AP3B1: variants seen among roughly 807,000 people sequenced by gnomAD.
AP3B1 encodes AP-3 complex subunit beta-1.
AP3B1 carries 61 observed loss-of-function variants against 132.5 expected under a neutral mutation model. The ratio of observed to expected loss-of-function variants is 0.46; its 90% CI spans 0.37 to 0.57. The LOEUF is 0.57. Ranked by LOEUF, AP3B1 falls within the 20% of genes least tolerant of loss-of-function variation. The pLI is 0.00. For synonymous variants in AP3B1, 388 were observed against 438.3 expected (o/e 0.89, Z 1.43); for missense variants, 1,120 against 1,289.4 (o/e 0.87, Z 2.01).
rs112155590 is a variant in AP3B1 at position 78,173,521 on chromosome 5, G to A, written c.1167+2105C>T. Among the ~76,000 whole-genome samples the A allele has an allele frequency of 4.2e-3, 629 of 151,204 alleles. 3 individuals carry two copies. The highest frequency in any genetic ancestry group is 0.021 in the Middle Eastern group (6 of 290). On this transcript the variant is annotated intron_variant, in intron 11 of 26. Transcript: ENST00000255194. ...CTTTACCATTATGTAATGGCCTTCT[G>A]ATCTTTGTTGGTTTGAAGTCTATTT...
In AP3B1 at chr5:78,154,443, C is replaced by A. The variant is rs1210291179; in HGVS notation, c.1473+1815G>T. ...CGAGGTAGGCTTCTTTGGGTTAAAT[C>A]TGCTTGAAGTTCTATAACCTTCTTG... is the stretch of plus-strand genomic sequence containing the variant. On this transcript the variant is annotated intron_variant, in intron 14 of 26. Coordinates refer to ENST00000255194, the MANE Select transcript of AP3B1 (RefSeq NM_003664.5). 2.0e-5 allele frequency among the ~76,000 whole-genome samples: 3 copies of A among 152,120 alleles called. No individual in the cohort carries two copies. The East Asian group carries it at 5.8e-4, about 29-fold the overall frequency.
intron 17 of AP3B1, among the ~76,000 whole-genome samples, chr5:78,120,884 A>C (rs1372708409): frequency 6.6e-6 from 1 of 152,206 alleles, no homozygotes; most frequent in Non-Finnish European, 1.5e-5. Flanking sequence ...AATCAACAGA[A>C]TATACATTCT....
chr5:78,005,649 A>G (rs1477509796), intron 26 of AP3B1, among the ~76,000 whole-genome samples: 2 of 152,226 alleles, frequency 1.3e-5, no homozygotes, highest in African/African-American at 4.8e-5. Flanking sequence ...TCTATGTTCT[A>G]GTGGACACAA....
chr5:78,033,195 G>A (rs1266461277), intron 24 of AP3B1, among the ~76,000 whole-genome samples: 3 of 152,086 alleles, frequency 2.0e-5, no homozygotes, highest in African/African-American at 7.2e-5. Flanking sequence ...TCTATTTAGA[G>A]TGATGTTACT....
At chr5:78,024,162 A>T (rs1369944786) in intron 24 of AP3B1, among the ~76,000 whole-genome samples, 1 of 152,150 alleles carries the variant, frequency 6.6e-6, no homozygotes, top group African/African-American at 2.4e-5. Flanking sequence ...GGGAAGACAC[A>T]GTCACATTAA....
Position 78,175,835 on chromosome 5 carries a change from C to A in AP3B1, c.1044G>T (p.Glu348Asp). 6.2e-7 allele frequency: 1 copy of A among 1,609,180 alleles called. No homozygotes were observed. The highest frequency in any genetic ancestry group is 8.5e-7 in the Non-Finnish European group (1 of 1,177,190). The change falls in exon 10 of 27, where the codon GAG (glutamate) becomes GAT (aspartate). Residue 348 changes from glutamate (E) to aspartate (D), a missense_variant. Physicochemically the swap from Glu to Asp is conservative, Grantham distance 45. This residue lies in a region of AP3B1 where 906 missense variants were observed against 997.1 expected (regional missense o/e 0.91). Coordinates refer to ENST00000255194, the MANE Select transcript of AP3B1 (RefSeq NM_003664.5). ...TATTTTGTAGGACAATATACTGCAC[C>A]TCCCTAGAAATCAAAAGATAATTTT... Reference protein sequence around the residue: ...SLVRLLRSNREVQYIVLQNIA... With the variant: ...SLVRLLRSNRDVQYIVLQNIA...
chr5:78,203,588 A>G (rs1055303390), intron 7 of AP3B1, among the ~76,000 whole-genome samples: 3 of 152,150 alleles, frequency 2.0e-5, no homozygotes, highest in Non-Finnish European at 4.4e-5. Context: ...TCTCCTACTT[A>G]GATTCTGATG....
At chr5:78,033,963 T>C (rs1011153947) in intron 24 of AP3B1, among the ~76,000 whole-genome samples, 1 of 152,006 alleles carries the variant, frequency 6.6e-6, no homozygotes, top group Non-Finnish European at 1.5e-5. Flanking sequence ...ATAACATGTA[T>C]GTATATCTCA....
chr5:78,226,304 T>A (rs371023788), intron 5 of AP3B1, among the ~76,000 whole-genome samples: 17 of 152,082 alleles, frequency 1.1e-4, no homozygotes, highest in African/African-American at 3.6e-4. Context: ...GCAGTTAACA[T>A]AGGAATATGA....
At chr5:78,175,446 T>C (rs980975634) in intron 11 of AP3B1, among the ~76,000 whole-genome samples, 180 bp downstream of exon 11, 1 of 152,202 alleles carries the variant, frequency 6.6e-6, no homozygotes, top group Non-Finnish European at 1.5e-5. Flanking sequence ...CTTTACATTA[T>C]CAGAATGTAG....
In AP3B1 at chr5:78,015,480, C is replaced by T. The variant is rs1188545095; in HGVS notation, c.3061G>A (p.Val1021Met). 1.2e-6 allele frequency: 2 copies of T among 1,613,698 alleles called. No homozygotes were observed. Among genetic ancestry groups the T allele is most frequent in the Non-Finnish European group, 1.7e-6 (2 of 1,179,856 alleles). The change falls in exon 26 of 27, where the codon GTG (valine) becomes ATG (methionine). Residue 1021 changes from valine (V) to methionine (M), a missense_variant. Physicochemically the swap from Val to Met is conservative, Grantham distance 21. This residue lies in a region of AP3B1 where 906 missense variants were observed against 997.1 expected (regional missense o/e 0.91). Transcript: ENST00000255194. Reference protein sequence around the residue: ...IAAPQNFTPSVIFQKVVNVAN... With the variant: ...IAAPQNFTPSMIFQKVVNVAN... ...ACATTTACAACCTTCTGAAAGATCA[C>T]AGAGGGAGTGAAATTCTGTGGTGCA...
intron 23 of AP3B1, among the ~76,000 whole-genome samples, chr5:78,038,785 A>G (rs957902486): frequency 6.6e-6 from 1 of 152,138 alleles, no homozygotes; most frequent in Non-Finnish European, 1.5e-5. Flanking sequence ...GGCAATCTTG[A>G]CTCTGCAGAC....
At chr5:78,126,792 A>G (rs1024926931) in intron 17 of AP3B1, among the ~76,000 whole-genome samples, 1 of 152,162 alleles carries the variant, frequency 6.6e-6, no homozygotes, top group Non-Finnish European at 1.5e-5. Context: ...ATAATAAAAT[A>G]CAGTAACAGC....
intron 22 of AP3B1, among the ~76,000 whole-genome samples, chr5:78,054,294 G>A (rs1178270475): frequency 6.6e-6 from 1 of 152,168 alleles, no homozygotes; most frequent in Non-Finnish European, 1.5e-5. Context: ...CCAAGATGAT[G>A]GTGGGCCAGA....
At chr5:78,030,708 AC>A (rs1747540029) in intron 24 of AP3B1, among the ~76,000 whole-genome samples, 1 of 151,972 alleles carries the variant, frequency 6.6e-6, no homozygotes, top group Admixed American at 6.6e-5. Flanking sequence ...GCAGGGATAC[AC>A]TCTGTCGCCT....
chr5:78,098,080 C>T (rs913637352), intron 21 of AP3B1, among the ~76,000 whole-genome samples: 46 of 151,234 alleles, frequency 3.0e-4, no homozygotes, highest in African/African-American at 1.1e-3. Flanking sequence ...TGCTTGAAGG[C>T]AGCATGCTCG....
At chr5:78,028,559 A>G (rs1458593695) in intron 24 of AP3B1, among the ~76,000 whole-genome samples, 1 of 152,082 alleles carries the variant, frequency 6.6e-6, no homozygotes, top group Non-Finnish European at 1.5e-5. Context: ...TGTGGAATAT[A>G]GTGTGGTGAG....
At chr5:78,241,210 T>TC (rs959204704) in intron 2 of AP3B1, among the ~76,000 whole-genome samples, 15 of 151,882 alleles carry the variant, frequency 9.9e-5, no homozygotes, top group African/African-American at 3.1e-4. Context: ...AGTAATTTTT[T>TC]TTTTTTTTAG....
At chr5:78,215,552 C>T (rs963672823) in intron 7 of AP3B1, among the ~76,000 whole-genome samples, 1 of 152,076 alleles carries the variant, frequency 6.6e-6, no homozygotes, top group Non-Finnish European at 1.5e-5. Context: ...GAGAAGAACA[C>T]AAACATTTTA....
Sources: gnomAD v4.1 joint callset for allele counts (sites outside exome capture counted in the v4.1 genomes callset) on GRCh38, gnomAD v4.1.1 for gene constraint, gnomAD v4.1.1 regional missense constraint, MANE v1.5 for transcripts, NCBI Gene and HGNC (gene_info 2026-07-23, HGNC 2026-07-21) for gene names.